PDE12: variants seen among roughly 807,000 people sequenced by gnomAD.
The protein encoded by PDE12 is phosphodiesterase 12, also known as 2',5'-phosphodiesterase 12.
Under a neutral mutation model 45.4 loss-of-function variants are expected in PDE12, and 26 were observed. The ratio of observed to expected loss-of-function variants is 0.57; its 90% CI spans 0.42 to 0.79. The LOEUF (loss-of-function observed/expected upper bound fraction) is 0.79, where lower values mean the gene tolerates loss of function less well. Among genes scored for constraint, PDE12 ranks in the 30% least tolerant of loss-of-function variants. The probability of loss-of-function intolerance (pLI) is 0.00; values close to 1 mark genes in which losing one functional copy is unlikely to be tolerated. For synonymous variants in PDE12, 283 were observed against 323.9 expected (o/e 0.87, Z 1.36); for missense variants, 668 against 790.0 (o/e 0.85, Z 1.85).
At chr3:57,641,550 G>T in the PDE12 span, 1 of 971,874 alleles carries the variant, frequency 1.0e-6, no homozygotes, top group Non-Finnish European at 1.5e-6. Context: ...CAAAGGCCTT[G>T]AAGAAAGCTG....
chr3:57,560,114 C>T lies in PDE12; in HGVS notation c.*110C>T. ...CTTCAAGGAGGAATGGTAAAATGTT[C>T]AGCCCTCCTAGTTATGTTCCTGATG... is the stretch of plus-strand genomic sequence containing the variant. On this transcript the variant is annotated 3_prime_UTR_variant, in exon 3 of 3. Transcript: ENST00000311180. 3 of 1,464,808 alleles carry T rather than the reference C, an allele frequency of 2.0e-6. No individual in the cohort carries two copies. The highest frequency in any genetic ancestry group is 1.4e-5 in the South Asian group (1 of 69,834). The allele number at this position is 1,464,808 out of a possible 1,614,324, so 90.7% of individuals were successfully genotyped here. A position where few individuals can be genotyped will look rare whatever the true frequency, so the allele number is the denominator to read the frequency against.
chr3:57,586,740 A>G, the PDE12 span, among the ~76,000 whole-genome samples: 1 of 152,172 alleles, frequency 6.6e-6, no homozygotes, highest in Non-Finnish European at 1.5e-5. Flanking sequence ...AAAAATACAT[A>G]AAAAGGAGCT....
the PDE12 span, chr3:57,597,188 G>T: frequency 1.9e-6 from 3 of 1,554,130 alleles, no homozygotes; most frequent in South Asian, 2.2e-5. Context: ...GGTTTGGGGC[G>T]ACCCCGTGCT....
At chr3:57,586,886 A>C in the PDE12 span, among the ~76,000 whole-genome samples, 1 of 152,148 alleles carries the variant, frequency 6.6e-6, no homozygotes, top group African/African-American at 2.4e-5. Flanking sequence ...ATTAACCTTT[A>C]AGTTCAAATA....
the PDE12 span, among the ~76,000 whole-genome samples, chr3:57,582,904 A>G: frequency 2.0e-5 from 3 of 152,184 alleles, no homozygotes; most frequent in Non-Finnish European, 4.4e-5. Context: ...TATGTAAGAG[A>G]GTTAGATTAG....
At chr3:57,581,977 C>T in the PDE12 span, among the ~76,000 whole-genome samples, 4 of 152,120 alleles carry the variant, frequency 2.6e-5, no homozygotes, top group Non-Finnish European at 5.9e-5. Flanking sequence ...CAAAACTTCC[C>T]GAGCACCAAC....
chr3:57,651,494 T>C, the PDE12 span, among the ~76,000 whole-genome samples: 1 of 152,058 alleles, frequency 6.6e-6, no homozygotes, highest in Admixed American at 6.6e-5. Flanking sequence ...AAATTAGTAA[T>C]GGCAAGGGGC....
the PDE12 span, among the ~76,000 whole-genome samples, chr3:57,639,887 A>G: frequency 6.6e-6 from 1 of 152,198 alleles, no homozygotes; most frequent in Non-Finnish European, 1.5e-5. Context: ...ATTTAGATAT[A>G]TGTATATACC....
chr3:57,587,981 T>C, the PDE12 span, among the ~76,000 whole-genome samples: 1 of 152,242 alleles, frequency 6.6e-6, no homozygotes, highest in Non-Finnish European at 1.5e-5. Context: ...TTAAAACTTA[T>C]AGTTCTTTAC....
chr3:57,637,563 A>C, the PDE12 span, among the ~76,000 whole-genome samples: 1 of 151,960 alleles, frequency 6.6e-6, no homozygotes, highest in African/African-American at 2.4e-5. Context: ...CTCACAGTCT[A>C]TCTCAGGTTT....
chr3:57,612,633 T>C, the PDE12 span, among the ~76,000 whole-genome samples: 1 of 151,914 alleles, frequency 6.6e-6, no homozygotes, highest in Admixed American at 6.6e-5. Flanking sequence ...TAGTTGGGTG[T>C]GGTGGTGCAC....
At chr3:57,587,170 C>A in the PDE12 span, among the ~76,000 whole-genome samples, 2 of 151,606 alleles carry the variant, frequency 1.3e-5, no homozygotes, top group Non-Finnish European at 2.9e-5. Flanking sequence ...AATACAGAAA[C>A]TAGCTGGATG....
chr3:57,630,959 A>T, the PDE12 span: 2 of 1,613,408 alleles, frequency 1.2e-6, no homozygotes, highest in East Asian at 4.5e-5. Flanking sequence ...CAAAGGCATC[A>T]AGCTTGCCAC....
the PDE12 span, chr3:57,645,607 C>G: frequency 7.6e-7 from 1 of 1,317,612 alleles, no homozygotes; most frequent in Non-Finnish European, 1.1e-6. Context: ...AATAATTCTA[C>G]ACAATTTTGG....
At position 57,566,823 on chromosome 3, in the gene PDE12, AAAAT is replaced by A. The variant is rs2153407889; in HGVS notation, c.*6826_*6829del. The A allele has an allele frequency of 6.6e-6, 1 of 152,294 alleles. No homozygotes were observed. The highest frequency in any genetic ancestry group is 2.1e-4 in the South Asian group (1 of 4,824). The allele number at this position is 152,294 out of a possible 1,614,324, so 9.4% of individuals were successfully genotyped here. Reference sequence around the variant, plus strand: ...TTGTTGTTTAGCCACCCCTCCTTAAAAAATAAATAATATAATAATCCATCATCCC... The same window carrying A: ...TTGTTGTTTAGCCACCCCTCCTTAAAAAATAATATAATAATCCATCATCCC... On this transcript the variant is annotated 3_prime_UTR_variant, in exon 3 of 3. Coordinates refer to ENST00000311180, the MANE Select transcript of PDE12 (RefSeq NM_177966.7).
At chr3:57,631,102 A>G in the PDE12 span, 2 of 746,636 alleles carry the variant, frequency 2.7e-6, no homozygotes, top group Non-Finnish European at 4.5e-6. Flanking sequence ...CAACAACTCC[A>G]TCACTCCCCA....
the PDE12 span, chr3:57,584,297 T>C: frequency 8.2e-7 from 1 of 1,219,314 alleles, no homozygotes; most frequent in Non-Finnish European, 1.2e-6. Context: ...ATCAACATGC[T>C]TAACAAAAAG....
At chr3:57,599,113 A>G in the PDE12 span, among the ~76,000 whole-genome samples, 1 of 152,202 alleles carries the variant, frequency 6.6e-6, no homozygotes, top group African/African-American at 2.4e-5. Context: ...ATCAATCAAT[A>G]TATGTAAGAT....
chr3:57,581,445 A>ATC, the PDE12 span, among the ~76,000 whole-genome samples: 1 of 152,216 alleles, frequency 6.6e-6, no homozygotes, highest in African/African-American at 2.4e-5. Flanking sequence ...ACCCAGGGTT[A>ATC]CCCTTGGTCA....
Sources: allele counts gnomAD v4.1 joint callset (sites outside exome capture counted in the v4.1 genomes callset), GRCh38; gene constraint gnomAD v4.1.1; transcripts MANE v1.5; gene names NCBI Gene and HGNC (gene_info 2026-07-23, HGNC 2026-07-21).